Variants in EPHX4 observed in about 807,000 individuals in gnomAD.
EPHX4 encodes the protein epoxide hydrolase 4.
Under a neutral mutation model 44.9 loss-of-function variants are expected in EPHX4, and 31 were observed. The observed-to-expected ratio is 0.69, with a 90% CI of 0.52 to 0.93. EPHX4 has a LOEUF of 0.93. EPHX4 is among the 40% of genes least tolerant of loss of function. The probability of loss-of-function intolerance (pLI) is 0.00; values close to 1 mark genes in which losing one functional copy is unlikely to be tolerated. For missense variants in EPHX4, 373 were observed against 438.1 expected, an observed-to-expected ratio of 0.85 and a Z score of 1.33; for synonymous variants, 151 against 159.7, an observed-to-expected ratio of 0.95 and a Z score of 0.41.
chr1:92,049,784 T>C (rs902580845), intron 4 of EPHX4, among the ~76,000 whole-genome samples: 4 of 152,180 alleles, frequency 2.6e-5, no homozygotes, highest in Admixed American at 1.3e-4. Flanking sequence ...CAAGATTTCA[T>C]AAAGTGAAAC....
intron 1 of EPHX4, among the ~76,000 whole-genome samples, chr1:92,031,376 T>C (rs1213228053): frequency 1.3e-5 from 2 of 152,140 alleles, no homozygotes; most frequent in African/African-American, 4.8e-5. Flanking sequence ...TAAAGTCAGA[T>C]TTGTTATCTC....
chr1:92,050,731 A>T (rs967454415), intron 5 of EPHX4, among the ~76,000 whole-genome samples: 2 of 144,742 alleles, frequency 1.4e-5, no homozygotes, highest in African/African-American at 5.0e-5. Flanking sequence ...CTTCGGGGTT[A>T]AAAAAAAAAA....
intron 4 of EPHX4, among the ~76,000 whole-genome samples, chr1:92,048,843 C>T (rs961388830): frequency 6.6e-6 from 1 of 151,828 alleles, no homozygotes; most frequent in African/African-American, 2.4e-5. Flanking sequence ...CCTCAGCCTC[C>T]CAAGTAGCTG....
intron 6 of EPHX4, among the ~76,000 whole-genome samples, chr1:92,054,522 C>T (rs770475845): frequency 4.2e-5 from 6 of 142,924 alleles, no homozygotes; most frequent in African/African-American, 7.9e-5. Flanking sequence ...TGGGAGGCGG[C>T]GGTTGCAGTG....
chr1:92,052,416 A>T, intron 5 of EPHX4, 94 bp from the exon 6 acceptor site: 1 of 1,233,198 alleles, frequency 8.1e-7, no homozygotes, highest in Non-Finnish European at 1.1e-6. Flanking sequence ...AGTTGTCACC[A>T]CACAATGACC....
chr1:92,039,154 T>G (rs950711027), intron 2 of EPHX4, among the ~76,000 whole-genome samples: 1 of 152,204 alleles, frequency 6.6e-6, no homozygotes, highest in Non-Finnish European at 1.5e-5. Context: ...AGTCAAATCT[T>G]TCAGATTTTT....
At chr1:92,049,858 G>C (rs959043225) in intron 4 of EPHX4, among the ~76,000 whole-genome samples, 1 of 152,110 alleles carries the variant, frequency 6.6e-6, no homozygotes, top group Non-Finnish European at 1.5e-5. Context: ...CAGCACTTTG[G>C]GAGGCCGAGG....
rs780147383 is a variant in EPHX4, at chr1:92,030,324, C to T, written c.231+14C>T. 4.0e-6 allele frequency: 6 copies of T among 1,497,874 alleles called. No individual in the cohort carries two copies. The highest frequency in any genetic ancestry group is 1.4e-5 in the African/African-American group (1 of 70,996). 92.8% of individuals were successfully genotyped at this position (1,497,874 alleles called of 1,614,324 possible). A position where few individuals can be genotyped will look rare whatever the true frequency, so the allele number is the denominator to read the frequency against. On this transcript the variant is annotated intron_variant, in intron 1 of 6. Transcript: ENST00000370383. Reference sequence around the variant, plus strand: ...GTGCGGATCAAGGTGAAGGGCCGCGCGGGCCTGGCGGGAGCGGGAGGGAGC... The same window carrying T: ...GTGCGGATCAAGGTGAAGGGCCGCGTGGGCCTGGCGGGAGCGGGAGGGAGC...
In EPHX4 at chr1:92,052,625, G is replaced by A. The variant is rs1369996700; in HGVS notation, c.824G>A (p.Ser275Asn). ...IYVFSQPGAL[S>N]GPINHYRNIF... ...GTCTTTTCTCAGCCTGGAGCATTAAGTGGCCCAATTAACCATTACCGAAAT... is the reference window on the plus strand; with the variant it reads ...GTCTTTTCTCAGCCTGGAGCATTAAATGGCCCAATTAACCATTACCGAAAT... The change falls in exon 6 of 7, where the codon AGT (serine) becomes AAT (asparagine). Residue 275 changes from serine to asparagine, a missense_variant. By Grantham distance (46) the Ser-to-Asn change is conservative (BLOSUM62 1). Transcript: ENST00000370383. 6.2e-7 allele frequency: 1 copy of A among 1,611,132 alleles called. No homozygotes were observed. The highest frequency in any genetic ancestry group is 1.1e-5 in the South Asian group (1 of 89,904).
chr1:92,037,860 G>C (rs148669093), intron 2 of EPHX4, among the ~76,000 whole-genome samples: 171 of 152,290 alleles, frequency 1.1e-3, no homozygotes, highest in African/African-American at 3.8e-3. Flanking sequence ...AATCTTTTTA[G>C]GGTTACTGCT....
chr1:92,030,217 G>C lies in EPHX4; in HGVS notation c.138G>C (p.Gly46=). 5.0e-6 allele frequency: 8 copies of C among 1,605,770 alleles called. No homozygotes were observed. The highest frequency in any genetic ancestry group is 6.0e-6 in the Non-Finnish European group (7 of 1,176,354). Residue 46 remains glycine, a synonymous_variant, in exon 1 of 7, where the codon GGG becomes GGC. Coordinates refer to ENST00000370383, the MANE Select transcript of EPHX4 (RefSeq NM_173567.5). The part of the protein sequence containing the change: ...LLKLLWSLGK[G]PAQTFRRPAR... ...AACTTTTGTGGAGCCTCGGCAAGGG[G>C]CCGGCGCAGACCTTCCGGCGGCCCG...
intron 2 of EPHX4, among the ~76,000 whole-genome samples, chr1:92,041,723 C>T (rs1688510872): frequency 6.6e-6 from 1 of 152,138 alleles, no homozygotes; most frequent in East Asian, 1.9e-4. Context: ...TGGCTATACA[C>T]ACCATTTAAG....
At chr1:92,047,872 G>T (rs1205209990) in intron 4 of EPHX4, among the ~76,000 whole-genome samples, 2 of 152,146 alleles carry the variant, frequency 1.3e-5, no homozygotes, top group South Asian at 2.1e-4. Flanking sequence ...AATCCCCAGG[G>T]ATTCACATGG....
intron 2 of EPHX4, 97 bp from the exon 3 acceptor site, chr1:92,042,726 A>G (rs1219143440): frequency 1.9e-6 from 1 of 526,812 alleles, no homozygotes; most frequent in South Asian, 5.5e-5. Flanking sequence ...CTCTGTCTCA[A>G]AAAAAAAAAA....
intron 3 of EPHX4, chr1:92,043,447 C>T (rs889654559): frequency 2.9e-5 from 4 of 135,772 alleles, no homozygotes; most frequent in Non-Finnish European, 4.6e-5. Flanking sequence ...AAGAATGAGA[C>T]TCTGTTTAAA....
intron 4 of EPHX4, among the ~76,000 whole-genome samples, chr1:92,048,297 A>G (rs1200100593): frequency 1.3e-5 from 2 of 152,342 alleles, no homozygotes; most frequent in East Asian, 3.9e-4. Context: ...ATTCAACAGC[A>G]GAAGTCATGC....
intron 1 of EPHX4, among the ~76,000 whole-genome samples, chr1:92,030,770 G>C (rs982221413): frequency 3.9e-5 from 6 of 152,084 alleles, no homozygotes; most frequent in African/African-American, 1.4e-4. Flanking sequence ...GAGATAATAA[G>C]AGTAAACAGT....
chr1:92,057,064 C>T (rs1354891446), intron 6 of EPHX4, among the ~76,000 whole-genome samples: 1 of 151,834 alleles, frequency 6.6e-6, no homozygotes, highest in South Asian at 2.1e-4. Context: ...AAATACATAG[C>T]TTTAACGGTT....
At chr1:92,052,450 G>A in intron 5 of EPHX4, 60 bp from the exon 6 acceptor site, 1 of 1,488,534 alleles carries the variant, frequency 6.7e-7, no homozygotes, top group East Asian at 2.5e-5. Flanking sequence ...CAAAGCCAAA[G>A]ACTTAGCTTA....
Sources: allele counts gnomAD v4.1 joint callset (sites outside exome capture counted in the v4.1 genomes callset), GRCh38; gene constraint gnomAD v4.1.1; transcripts MANE v1.5; gene names NCBI Gene and HGNC (gene_info 2026-07-23, HGNC 2026-07-21).